The following MUC5B variants were observed in gnomAD, a reference collection of about 807,000 sequenced individuals.
MUC5B encodes the protein mucin-5B.
A neutral mutation model predicts 376.9 loss-of-function variants in MUC5B; 116 were observed. The observed-to-expected ratio is 0.31, with a 90% CI of 0.26 to 0.36. The LOEUF is 0.36. MUC5B is among the 10% of genes least tolerant of loss of function. The pLI is 1.00. For synonymous variants in MUC5B, 3,517 were observed against 3,390.9 expected, an observed-to-expected ratio of 1.04 and a Z score of -1.29; for missense variants, 7,165 against 7,769.9, an observed-to-expected ratio of 0.92 and a Z score of 2.93.
rs369483649 is a variant in MUC5B at position 1,261,532 on chromosome 11, C to A, written c.17213C>A (p.Thr5738Lys). Residue 5738 changes from threonine to lysine, a missense_variant, in exon 49 of 49, where the codon ACG becomes AAG. Around this residue, in one of 31 missense-constraint regions of MUC5B, gnomAD observed 842 missense variants for 1,016.9 expected, o/e 0.83. Coordinates refer to ENST00000529681, the MANE Select transcript of MUC5B (RefSeq NM_002458.3). ...TYTHVDECGC[T>K]PFCVPAPMAP... The stretch of plus-strand genomic sequence containing the variant: ...ACCCACGTGGATGAGTGTGGCTGCA[C>A]GCCCTTCTGTGTCCCTGCGCCCATG... 1,395 of 1,607,580 alleles carry A rather than the reference C, an allele frequency of 8.7e-4. 20 individuals are homozygous for A. The South Asian group carries it at 0.014, about 17-fold the overall frequency.
rs1164008308 is a variant in MUC5B at position 1,247,130 on chromosome 11, C to G, written c.10250C>G (p.Pro3417Arg). 2 of 1,569,532 alleles carry G rather than the reference C, an allele frequency of 1.3e-6. No homozygotes were observed. The highest frequency in any genetic ancestry group is 2.7e-5 in the African/African-American group (2 of 73,320). ...SSTPGTTPIP[P>R]VLTTTATTPA... ...ACTCCAGGGACAACTCCCATCCCCC[C>G]AGTGCTGACCACCACCGCCACCACA... Residue 3417 changes from proline to arginine, a missense_variant, in exon 31 of 49, where the codon CCA becomes CGA. Physicochemically the swap from Pro to Arg is moderately radical, Grantham distance 103. Transcript: ENST00000529681.
rs369796137 is a variant in MUC5B, at chr11:1,248,588, C to G, written c.11708C>G (p.Thr3903Arg). ...TTTTPTTSGS[T>R]VTPSSVPGTT... Reference sequence around the variant, plus strand: ...ACCACACCCACAACCAGTGGCTCCACGGTGACCCCCTCCTCCGTCCCGGGG... The same window carrying G: ...ACCACACCCACAACCAGTGGCTCCAGGGTGACCCCCTCCTCCGTCCCGGGG... The change falls in exon 31 of 49, where the codon ACG (threonine) becomes AGG (arginine). Residue 3903 changes from threonine (T) to arginine (R), a missense_variant. Around this residue, in one of 31 missense-constraint regions of MUC5B, gnomAD observed 242 missense variants for 199.0 expected, o/e 1.22. Coordinates refer to ENST00000529681, the MANE Select transcript of MUC5B (RefSeq NM_002458.3). The G allele has an allele frequency of 6.2e-7, 1 of 1,612,956 alleles. No homozygotes were observed. The highest frequency in any genetic ancestry group is 1.7e-5 in the Admixed American group (1 of 59,934).
rs768678412 is a variant in MUC5B at position 1,241,992 on chromosome 11, G to A, written c.5112G>A (p.Gly1704=). 6.3e-7 allele frequency: 1 copy of A among 1,591,582 alleles called. No homozygotes were observed. The highest frequency in any genetic ancestry group is 8.5e-7 in the Non-Finnish European group (1 of 1,169,828). The part of the protein sequence containing the change: ...PTRSALPGTT[G]SLGTWRPSQP... ...GCTCAGCCCTTCCAGGGACGACGGG[G>A]AGCTTGGGCACATGGCGCCCCTCAC... Residue 1704 remains glycine (G), a synonymous_variant, in exon 31 of 49, where the codon GGG becomes GGA. Transcript: ENST00000529681.
chr11:1,239,423 C>CCCTCTGTG lies in MUC5B; in HGVS notation c.3455-12_3455-5dup. 1 of 1,603,566 alleles carries CCCTCTGTG rather than the reference C, an allele frequency of 6.2e-7. No individual in the cohort carries two copies. Among genetic ancestry groups the CCCTCTGTG allele is most frequent in the Non-Finnish European group, 8.5e-7 (1 of 1,173,558 alleles). ...CTGGTGGGCGCCTCCTTAGCCTCTGCCCTCTGTGCCCCAGCCTTGTTCTGT... is the reference window on the plus strand; with the variant it reads ...CTGGTGGGCGCCTCCTTAGCCTCTGCCCTCTGTGCCTCTGTGCCCCAGCCTTGTTCTGT... On this transcript the variant is annotated splice_polypyrimidine_tract_variant and intron_variant, in intron 26 of 48. Transcript: ENST00000529681.
chr11:1,232,680 G>A lies in MUC5B; in HGVS notation c.1975G>A (p.Glu659Lys), dbSNP rs770066523. ...TGACACCTGCAACTGTGAGCGGAGC[G>A]AGGACTGCCTGTGCGCCGCGCTGTC... is the stretch of plus-strand genomic sequence containing the variant. Reference protein sequence around the residue: ...MFDTCNCERSEDCLCAALSSY... With the variant: ...MFDTCNCERSKDCLCAALSSY... Residue 659 changes from glutamate to lysine, a missense_variant, in exon 17 of 49, where the codon GAG (glutamate) becomes AAG (lysine). By Grantham distance (56) the Glu-to-Lys change is moderately conservative. Coordinates refer to ENST00000529681, the MANE Select transcript of MUC5B (RefSeq NM_002458.3). The A allele has an allele frequency of 8.1e-6, 13 of 1,600,614 alleles. No homozygotes were observed. Among genetic ancestry groups the A allele is most frequent in the South Asian group, 1.1e-5 (1 of 88,980 alleles).
Position 1,251,717 on chromosome 11 carries a change from G to C in MUC5B, c.14837G>C (p.Arg4946Thr). The C allele has an allele frequency of 6.2e-7, 1 of 1,608,768 alleles. No homozygotes were observed. The highest frequency in any genetic ancestry group is 8.5e-7 in the Non-Finnish European group (1 of 1,177,112). ...CACTTCTCTACTCCCTGCTTCTGCA[G>C]GGCATTTGGACAGTTTTTCTCGCCC... ...SSHFSTPCFCRAFGQFFSPGE... is the reference protein window; with the variant it reads ...SSHFSTPCFCTAFGQFFSPGE... Residue 4946 changes from arginine (R) to threonine (T), a missense_variant, in exon 31 of 49, where the codon AGG (arginine) becomes ACG (threonine). Arg to Thr is a moderately conservative substitution (Grantham distance 71). Around this residue, in one of 31 missense-constraint regions of MUC5B, gnomAD observed 730 missense variants for 592.7 expected, o/e 1.23. Coordinates refer to ENST00000529681, the MANE Select transcript of MUC5B (RefSeq NM_002458.3).
Position 1,244,919 on chromosome 11 carries a change from G to T in MUC5B, c.8039G>T (p.Ser2680Ile). 1.3e-6 allele frequency: 2 copies of T among 1,594,416 alleles called. No homozygotes were observed. The highest frequency in any genetic ancestry group is 1.7e-6 in the Non-Finnish European group (2 of 1,171,804). Residue 2680 changes from serine to isoleucine, a missense_variant, in exon 31 of 49, where the codon AGC becomes ATC. By Grantham distance (142) the Ser-to-Ile change is moderately radical. This residue lies in a region of MUC5B where 141 missense variants were observed against 111.2 expected (regional missense o/e 1.27). Transcript: ENST00000529681. ...GGTTCTATGGCAACACCCTCCTCTA[G>T]CACACAGACCAGTGGTACTCCCCCA... ...ATGSMATPSS[S>I]TQTSGTPPSL...
At position 1,260,640 on chromosome 11, in the gene MUC5B, C is replaced by A. The variant is rs1253437587; in HGVS notation, c.16981C>A (p.Arg5661Ser). The A allele has an allele frequency of 8.1e-6, 13 of 1,612,310 alleles. No homozygotes were observed. The African/African-American group carries it at 1.7e-4, about 22-fold the overall frequency. ...CCTCCTCCCAGACTCCTGTCAAGTC[C>A]GCATCAACACGACCATCCTGTGGCA... ...YSCEEDSCQV[R>S]INTTILWHQG... Residue 5661 changes from arginine to serine, a missense_variant, in exon 48 of 49, where the codon CGC (arginine) becomes AGC (serine). Arg to Ser is a moderately radical substitution (Grantham distance 110). Transcript: ENST00000529681.
rs199641655 is a variant in MUC5B at position 1,249,020 on chromosome 11, G to T, written c.12140G>T (p.Gly4047Val). The stretch of plus-strand genomic sequence containing the variant: ...ACCCACATCACAGAGCCTTCCACGG[G>T]GACTTCCCACACCCCAGCAGCAACC... The part of the protein sequence containing the change: ...GTTHITEPST[G>V]TSHTPAATTG... Residue 4047 changes from glycine to valine, a missense_variant, in exon 31 of 49, where the codon GGG (glycine) becomes GTG (valine). By Grantham distance (109) the Gly-to-Val change is moderately radical. Transcript: ENST00000529681. 0.036 allele frequency: 54,558 copies of T among 1,495,034 alleles called. 57 individuals carry two copies. The highest frequency in any genetic ancestry group is 0.093 in the African/African-American group (6,541 of 70,154). The allele number at this position is 1,495,034 out of a possible 1,614,324, so 92.6% of individuals were successfully genotyped here. A position where few individuals can be genotyped will look rare whatever the true frequency, so the allele number is the denominator to read the frequency against.
At chr11:1,254,478 C>T in intron 34 of MUC5B, 127 bp downstream of exon 34, 1 of 1,394,112 alleles carries the variant, frequency 7.2e-7, no homozygotes. Flanking sequence ...TCCCAGGGGG[C>T]AGGGAAGGCC....
chr11:1,235,035 G>A (rs1415573726), intron 21 of MUC5B, 50 bp from the exon 22 acceptor site: 1 of 1,569,234 alleles, frequency 6.4e-7, no homozygotes, highest in Non-Finnish European at 8.6e-7. Flanking sequence ...GTCTCAGGAA[G>A]GCCGGGAGAG....
At position 1,243,500 on chromosome 11, in the gene MUC5B, C is replaced by A; in HGVS notation, c.6620C>A (p.Pro2207His). 1 of 1,595,310 alleles carries A rather than the reference C, an allele frequency of 6.3e-7. No individual in the cohort carries two copies. Among genetic ancestry groups the A allele is most frequent in the Non-Finnish European group, 8.5e-7 (1 of 1,172,632 alleles). ...GGGCGATCCCTGCCCCCCAGCAGTC[C>A]CCACACGGTGCGCACAGCCTGGACT... is the stretch of plus-strand genomic sequence containing the variant. ...THGRSLPPSS[P>H]HTVRTAWTSA... Residue 2207 changes from proline (P) to histidine (H), a missense_variant, in exon 31 of 49, where the codon CCC becomes CAC. By Grantham distance (77) the Pro-to-His change is moderately conservative. This residue lies in a region of MUC5B where 67 missense variants were observed against 103.0 expected (regional missense o/e 0.65). Coordinates refer to ENST00000529681, the MANE Select transcript of MUC5B (RefSeq NM_002458.3).
rs761274305 is a variant in MUC5B at position 1,256,174 on chromosome 11, C to T, written c.16085C>T (p.Thr5362Ile). The T allele has an allele frequency of 3.4e-5, 25 of 735,688 alleles. No homozygotes were observed. In the East Asian group the frequency reaches 5.8e-4, roughly 17 times the overall value. The allele number at this position is 735,688 out of a possible 1,614,324, so 45.6% of individuals were successfully genotyped here. The change falls in exon 38 of 49, where the codon ACC becomes ATC. Residue 5362 changes from threonine to isoleucine, a missense_variant. Physicochemically the swap from Thr to Ile is moderately conservative, Grantham distance 89 (BLOSUM62 -1). This residue lies in a region of MUC5B where 842 missense variants were observed against 1,016.9 expected (regional missense o/e 0.83). Transcript: ENST00000529681. ...GGLCDLTCPP[T>I]KVYKPCGPIQ... is the part of the protein sequence containing the mutation. ...CCCACAGACCTCACCTGCCCACCCA[C>T]CAAAGTGTACAAGCCATGCGGCCCC...
rs778229229 is a variant in MUC5B at position 1,242,875 on chromosome 11, A to G, written c.5995A>G (p.Thr1999Ala). The change falls in exon 31 of 49, where the codon ACC becomes GCC. Residue 1999 changes from threonine to alanine, a missense_variant. Coordinates refer to ENST00000529681, the MANE Select transcript of MUC5B (RefSeq NM_002458.3). ...GTTWTRLSQT[T>A]TPTATMSTAT... ...CACCTGGACCCGCCTATCACAGACC[A>G]CCACACCCACGGCCACCATGTCCAC... The G allele has an allele frequency of 6.2e-7, 1 of 1,611,560 alleles. No individual in the cohort carries two copies. Among genetic ancestry groups the G allele is most frequent in the South Asian group, 1.1e-5 (1 of 90,950 alleles).
chr11:1,242,774 T>G lies in MUC5B; in HGVS notation c.5894T>G (p.Leu1965Arg). The change falls in exon 31 of 49, where the codon CTT becomes CGT. Residue 1965 changes from leucine (L) to arginine (R), a missense_variant. By Grantham distance (102) the Leu-to-Arg change is moderately radical (BLOSUM62 -2). This residue lies in a region of MUC5B where 897 missense variants were observed against 779.6 expected (regional missense o/e 1.15). Coordinates refer to ENST00000529681, the MANE Select transcript of MUC5B (RefSeq NM_002458.3). ...PSSSPGTATA[L>R]PALRSTATTP... The stretch of plus-strand genomic sequence containing the variant: ...TCCAGTCCAGGGACTGCAACCGCCC[T>G]TCCAGCACTGAGAAGCACAGCCACC... 1 of 1,602,984 alleles carries G rather than the reference T, an allele frequency of 6.2e-7. No individual in the cohort carries two copies. Among genetic ancestry groups the G allele is most frequent in the Non-Finnish European group, 8.5e-7 (1 of 1,176,584 alleles).
Position 1,241,704 on chromosome 11 carries a change from A to C in MUC5B, c.4824A>C (p.Thr1608=). The C allele has an allele frequency of 6.2e-7, 1 of 1,612,306 alleles. No homozygotes were observed. The highest frequency in any genetic ancestry group is 8.5e-7 in the Non-Finnish European group (1 of 1,179,652). The change falls in exon 31 of 49, where the codon ACA becomes ACC. Residue 1608 remains threonine (T), a synonymous_variant. Transcript: ENST00000529681. ...ACGACCACTGCAGGGGACGTGCCACAACCCCGCCACCGACCACAGAGCTGG... is the reference window on the plus strand; with the variant it reads ...ACGACCACTGCAGGGGACGTGCCACCACCCCGCCACCGACCACAGAGCTGG... ...CSDDHCRGRA[T]TPPPTTELET... is the part of the protein sequence containing the mutation.
Position 1,246,959 on chromosome 11 carries a change from C to T in MUC5B, c.10079C>T (p.Thr3360Ile). The stretch of plus-strand genomic sequence containing the variant: ...ATCCCGGGGACCACCCACACCGCCA[C>T]AGTGCTGACCACCACCACCACAACT... ...SSIPGTTHTA[T>I]VLTTTTTTVA... The change falls in exon 31 of 49, where the codon ACA (threonine) becomes ATA (isoleucine). Residue 3360 changes from threonine to isoleucine, a missense_variant. By Grantham distance (89) the Thr-to-Ile change is moderately conservative. This residue lies in a region of MUC5B where 939 missense variants were observed against 770.6 expected (regional missense o/e 1.22). Transcript: ENST00000529681. 1.9e-6 allele frequency: 3 copies of T among 1,588,630 alleles called. No homozygotes were observed. Among genetic ancestry groups the T allele is most frequent in the Non-Finnish European group, 2.6e-6 (3 of 1,166,100 alleles).
chr11:1,228,597 G>C lies in MUC5B; in HGVS notation c.808G>C (p.Ala270Pro). 3 of 1,530,924 alleles carry C rather than the reference G, an allele frequency of 2.0e-6. No individual in the cohort carries two copies. Among genetic ancestry groups the C allele is most frequent in the Non-Finnish European group, 2.6e-6 (3 of 1,143,966 alleles). 94.8% of individuals were successfully genotyped at this position (1,530,924 alleles called of 1,614,324 possible). ...CTGCCACCGCACCCTGCTGGGGCCG[G>C]CCTTTGCGGAGTGCCACGCACTGGT... The part of the protein sequence containing the change: ...GICHRTLLGP[A>P]FAECHALVDS... The change falls in exon 8 of 49, where the codon GCC (alanine) becomes CCC (proline). Residue 270 changes from alanine to proline, a missense_variant. This residue lies in a region of MUC5B where 640 missense variants were observed against 733.0 expected (regional missense o/e 0.87). Transcript: ENST00000529681.
At chr11:1,229,433 C>A in intron 9 of MUC5B, 138 bp downstream of exon 9, 1 of 1,123,526 alleles carries the variant, frequency 8.9e-7, no homozygotes, top group Non-Finnish European at 1.2e-6. Flanking sequence ...GGGAAGGGCA[C>A]TGGCTGGGAG....
Sources: gnomAD v4.1 joint callset for allele counts on GRCh38, gnomAD v4.1.1 for gene constraint, gnomAD v4.1.1 regional missense constraint, MANE v1.5 for transcripts, NCBI Gene and HGNC (gene_info 2026-07-23, HGNC 2026-07-21) for gene names.